TAMM41: variants seen among roughly 807,000 people sequenced by gnomAD.
TAMM41 encodes phosphatidate cytidylyltransferase, mitochondrial.
Under a neutral mutation model 44.1 loss-of-function variants are expected in TAMM41, and 36 were observed. The observed-to-expected ratio is 0.82, with a 90% CI of 0.63 to 1.08. The LOEUF is 1.08. Ranked by LOEUF, TAMM41 falls within the 50% of genes least tolerant of loss-of-function variation. The pLI is 0.00. For missense variants in TAMM41, 417 were observed against 404.3 expected (o/e 1.03, Z -0.27); for synonymous variants, 164 against 153.1 (o/e 1.07, Z -0.53).
chr3:11,833,968 CA>C (rs1285935339), intron 3 of TAMM41, among the ~76,000 whole-genome samples: 3 of 152,126 alleles, frequency 2.0e-5, no homozygotes, highest in African/African-American at 4.8e-5. Flanking sequence ...ATAGGCCAGA[CA>C]AGGGGGCTCA....
chr3:11,799,114 C>T (rs1403439305), intron 7 of TAMM41, among the ~76,000 whole-genome samples: 1 of 151,964 alleles, frequency 6.6e-6, no homozygotes, highest in African/African-American at 2.4e-5. Flanking sequence ...GACCCAGGTA[C>T]TTGGGAGGCT....
intron 7 of TAMM41, among the ~76,000 whole-genome samples, chr3:11,801,996 G>A (rs1364628187): frequency 2.6e-5 from 4 of 152,200 alleles, no homozygotes; most frequent in South Asian, 2.1e-4. Context: ...TGAGGCTGGC[G>A]GATCGAGATT....
At chr3:11,842,294 T>C (rs2079481649) in intron 2 of TAMM41, among the ~76,000 whole-genome samples, 1 of 150,496 alleles carries the variant, frequency 6.6e-6, no homozygotes, top group Admixed American at 6.7e-5. Flanking sequence ...CTCGGGAGGC[T>C]GAGGCAGGAG....
the TAMM41 span, among the ~76,000 whole-genome samples, chr3:11,781,141 C>T: frequency 4.5e-4 from 69 of 152,164 alleles, no homozygotes; most frequent in African/African-American, 1.6e-3. Flanking sequence ...TCATCTGCCA[C>T]GTCCTGTCAT....
chr3:11,795,531 G>A (rs143563058), intron 7 of TAMM41, among the ~76,000 whole-genome samples: 2 of 152,250 alleles, frequency 1.3e-5, no homozygotes, highest in African/African-American at 4.8e-5. Context: ...GGTCTCCCTC[G>A]CAATAGGTTT....
At chr3:11,725,335 TC>T in the TAMM41 span, among the ~76,000 whole-genome samples, 3 of 77,808 alleles carry the variant, frequency 3.9e-5, no homozygotes, top group Admixed American at 3.4e-4. Context: ...CTCCTTTTTT[TC>T]TTCTCCTCCT....
chr3:11,791,164 G>A (rs1375250814), intron 7 of TAMM41, among the ~76,000 whole-genome samples: 1 of 152,180 alleles, frequency 6.6e-6, no homozygotes, highest in Non-Finnish European at 1.5e-5. Flanking sequence ...GCCTCTGCCT[G>A]GACTGGGAGC....
chr3:11,796,328 T>C (rs1208696302), intron 7 of TAMM41, among the ~76,000 whole-genome samples: 4 of 152,150 alleles, frequency 2.6e-5, no homozygotes, highest in African/African-American at 9.7e-5. Context: ...TCAGAACACC[T>C]TGTGAGTTGG....
At chr3:11,832,595 A>G (rs1282837852) in intron 3 of TAMM41, among the ~76,000 whole-genome samples, 1 of 152,154 alleles carries the variant, frequency 6.6e-6, no homozygotes, top group African/African-American at 2.4e-5. Context: ...CATCTTACTG[A>G]CAGAAAACTT....
the TAMM41 span, among the ~76,000 whole-genome samples, chr3:11,784,796 CTTTTTTTTTTTTT>C: frequency 9.2e-6 from 1 of 109,034 alleles, no homozygotes; most frequent in Non-Finnish European, 1.8e-5. Flanking sequence ...CTTTTCTTTT[CTTTTTTTTTTTTT>C]TTTTTTTTGA....
the TAMM41 span, among the ~76,000 whole-genome samples, chr3:11,737,700 T>C: frequency 6.6e-6 from 1 of 152,210 alleles, no homozygotes; most frequent in Non-Finnish European, 1.5e-5. Flanking sequence ...GGCTTGTAGC[T>C]TTTAAGCAGC....
chr3:11,803,560 C>T (rs1465923051), intron 7 of TAMM41, among the ~76,000 whole-genome samples: 2 of 151,972 alleles, frequency 1.3e-5, no homozygotes, highest in South Asian at 4.2e-4. Flanking sequence ...AATCCCATTA[C>T]TATGTATACA....
the TAMM41 span, among the ~76,000 whole-genome samples, chr3:11,755,571 C>T: frequency 7.9e-5 from 12 of 152,314 alleles, no homozygotes; most frequent in East Asian, 3.9e-4. Context: ...GCACTCTGAA[C>T]ATTCTGTGTA....
intron 4 of TAMM41, among the ~76,000 whole-genome samples, chr3:11,822,395 A>T (rs1020820792): frequency 3.3e-5 from 5 of 152,190 alleles, no homozygotes; most frequent in African/African-American, 9.7e-5. Flanking sequence ...TCATCTCTCC[A>T]ATCTAATACT....
chr3:11,838,702 C>CT (rs11387642), intron 3 of TAMM41, among the ~76,000 whole-genome samples: 17,686 of 151,898 alleles, frequency 0.12, 2,494 homozygotes, highest in East Asian at 0.47. Flanking sequence ...TCAGAACCCC[C>CT]TTTTTTTTAT....
the TAMM41 span, among the ~76,000 whole-genome samples, chr3:11,768,685 T>C: frequency 6.6e-6 from 1 of 152,214 alleles, no homozygotes; most frequent in East Asian, 1.9e-4. Context: ...TTTGTAACAG[T>C]CTGCTTCTGA....
chr3:11,756,735 C>T, the TAMM41 span, among the ~76,000 whole-genome samples: 1 of 152,064 alleles, frequency 6.6e-6, no homozygotes. Flanking sequence ...CGTGGTGGCA[C>T]ATGCCTGTAA....
chr3:11,795,403 G>C (rs1304579964), intron 7 of TAMM41, among the ~76,000 whole-genome samples: 1 of 152,042 alleles, frequency 6.6e-6, no homozygotes, highest in Non-Finnish European at 1.5e-5. Context: ...TATCCCTTTA[G>C]TCACCAAGAC....
chr3:11,825,560 A>C lies in TAMM41; in HGVS notation c.562+4154T>G, dbSNP rs150066649. Among the ~76,000 whole-genome samples the C allele has an allele frequency of 3.1e-3, 478 of 152,276 alleles. 3 individuals carry two copies. The highest frequency in any genetic ancestry group is 0.011 in the African/African-American group (467 of 41,556). On this transcript the variant is annotated intron_variant, in intron 4 of 7. Coordinates refer to ENST00000455809, the MANE Select transcript of TAMM41 (RefSeq NM_001284401.2). The stretch of plus-strand genomic sequence containing the variant: ...TCCACACTTTAGAGAGCTGGCACTG[A>C]ATGCTAATTTTTTTCCCCAAGAATC...
Sources: gnomAD v4.1 joint callset for allele counts (sites outside exome capture counted in the v4.1 genomes callset) on GRCh38, gnomAD v4.1.1 for gene constraint, MANE v1.5 for transcripts, NCBI Gene and HGNC (gene_info 2026-07-23, HGNC 2026-07-21) for gene names.